Variants in MPPE1 observed in about 807,000 individuals in gnomAD.
MPPE1 encodes the protein metallophosphoesterase 1.
A neutral mutation model predicts 43.8 loss-of-function variants in MPPE1; 28 were observed. The observed-to-expected ratio is 0.64, with a 90% CI of 0.47 to 0.88. The LOEUF is 0.88. MPPE1 is among the 40% of genes least tolerant of loss of function. The pLI, the probability that MPPE1 is intolerant of heterozygous loss-of-function variation, is 0.00. For synonymous variants in MPPE1, 159 were observed against 188.5 expected, an observed-to-expected ratio of 0.84 and a Z score of 1.28; for missense variants, 428 against 492.2, an observed-to-expected ratio of 0.87 and a Z score of 1.23.
chr18:11,895,642 T>C (rs2038515687), intron 3 of MPPE1, among the ~76,000 whole-genome samples: 1 of 151,970 alleles, frequency 6.6e-6, no homozygotes, highest in Non-Finnish European at 1.5e-5. Flanking sequence ...GTGCTCAAAG[T>C]AGCTCAAGCG....
chr18:11,884,696 A>T, intron 10 of MPPE1, 69 bp from the exon 11 acceptor site: 1 of 1,505,640 alleles, frequency 6.6e-7, no homozygotes, highest in Non-Finnish European at 9.1e-7. Context: ...TCTTAGAAAC[A>T]GCAGAGGGAA....
At chr18:11,890,494 G>C (rs937585222) in intron 4 of MPPE1, among the ~76,000 whole-genome samples, 5 of 151,910 alleles carry the variant, frequency 3.3e-5, no homozygotes, top group Admixed American at 1.3e-4. Context: ...ATTTTTAGTA[G>C]ACACAGGGTT....
At chr18:11,907,901 G>C (rs1444271956) in intron 1 of MPPE1, 1 of 152,072 alleles carries the variant, frequency 6.6e-6, no homozygotes, top group Admixed American at 6.6e-5. Context: ...CTGACCTGTA[G>C]TTTTTCTCTA....
At chr18:11,885,080 T>C in intron 10 of MPPE1, 1 of 1,270,920 alleles carries the variant, frequency 7.9e-7, no homozygotes. Context: ...TCCATGGGCT[T>C]TTCTTTGCAG....
intron 4 of MPPE1, among the ~76,000 whole-genome samples, chr18:11,892,552 T>C (rs192683603): frequency 6.6e-6 from 1 of 150,682 alleles, no homozygotes; most frequent in Non-Finnish European, 1.5e-5. Context: ...GAAATGCCTG[T>C]AATCCTAGCA....
chr18:11,905,936 G>A (rs1156232645), intron 2 of MPPE1: 2 of 152,164 alleles, frequency 1.3e-5, no homozygotes, highest in Non-Finnish European at 2.9e-5. Flanking sequence ...ACAACCCGCA[G>A]TGTCCACCTC....
At chr18:11,900,113 A>G (rs533543908) in intron 2 of MPPE1, among the ~76,000 whole-genome samples, 1 of 152,166 alleles carries the variant, frequency 6.6e-6, no homozygotes, top group South Asian at 2.1e-4. Context: ...TTGGGAGGCC[A>G]AGGTGGGCGG....
chr18:11,900,473 T>C (rs1237539938), intron 2 of MPPE1, among the ~76,000 whole-genome samples: 2 of 151,932 alleles, frequency 1.3e-5, no homozygotes, highest in Non-Finnish European at 2.9e-5. Context: ...GCCATTGCAC[T>C]CCAGACTGGG....
At chr18:11,884,997 G>A (rs968800919) in intron 10 of MPPE1, 1 of 1,302,120 alleles carries the variant, frequency 7.7e-7, no homozygotes, top group African/African-American at 1.5e-5. Context: ...GAACAAGGAG[G>A]GAAAGGTGTC....
At chr18:11,897,420 T>A (rs1245483386) in intron 2 of MPPE1, 64 bp from the exon 3 acceptor site, 1 of 648,650 alleles carries the variant, frequency 1.5e-6, no homozygotes, top group African/African-American at 1.8e-5. Flanking sequence ...GACCTCCCTC[T>A]ATTAAGAACT....
intron 3 of MPPE1, among the ~76,000 whole-genome samples, chr18:11,894,972 C>T (rs1034568617): frequency 2.0e-5 from 3 of 152,206 alleles, no homozygotes; most frequent in Non-Finnish European, 4.4e-5. Context: ...AAGCATGGCA[C>T]AGGCACACAG....
rs1308388818 is a variant in MPPE1, at chr18:11,883,706, A to ATAT, written c.*736_*738dup. 1 of 151,238 alleles carries ATAT rather than the reference A, an allele frequency of 6.6e-6. No individual in the cohort carries two copies. Among genetic ancestry groups the ATAT allele is most frequent in the Non-Finnish European group, 1.5e-5 (1 of 67,798 alleles). 9.4% of individuals were successfully genotyped at this position (151,238 alleles called of 1,614,324 possible). On this transcript the variant is annotated 3_prime_UTR_variant, in exon 11 of 11. Transcript: ENST00000588072. ...CATCTGTACTTTTTTTTTTTTAAAT[A>ATAT]TATTTTTTGAGACGGAGTCTCACTC...
rs2039910322 is a variant in MPPE1, at chr18:11,908,272, T to C, written c.-271A>G. 1.3e-5 allele frequency: 2 copies of C among 152,348 alleles called. No individual in the cohort carries two copies. Among genetic ancestry groups the C allele is most frequent in the South Asian group, 4.1e-4 (2 of 4,832 alleles). 9.4% of individuals were successfully genotyped at this position (152,348 alleles called of 1,614,324 possible). On this transcript the variant is annotated 5_prime_UTR_variant, in exon 1 of 11. Coordinates refer to ENST00000588072, the MANE Select transcript of MPPE1 (RefSeq NM_023075.6). ...AGCACCGGGCGGTGCGGGAGCCCTT[T>C]CACCAGGGCAGGGTGGCTTCGGTGG...
In MPPE1 at chr18:11,883,309, A is replaced by AAAG; in HGVS notation, c.*1133_*1135dup. Reference sequence around the variant, plus strand: ...TATTTTCAGTTCCCCTTGCACTGTCAAAGTAAAACAAGAAAACTGAAAAGC... The same window carrying AAAG: ...TATTTTCAGTTCCCCTTGCACTGTCAAAGAAGTAAAACAAGAAAACTGAAAAGC... On this transcript the variant is annotated 3_prime_UTR_variant, in exon 11 of 11. Transcript: ENST00000588072. 1 of 152,616 alleles carries AAAG rather than the reference A, an allele frequency of 6.6e-6. No individual in the cohort carries two copies. Among genetic ancestry groups the AAAG allele is most frequent in the Admixed American group, 6.5e-5 (1 of 15,306 alleles). 9.5% of individuals were successfully genotyped at this position (152,616 alleles called of 1,614,324 possible).
intron 2 of MPPE1, among the ~76,000 whole-genome samples, chr18:11,898,629 T>C (rs1217018691): frequency 1.3e-5 from 2 of 152,144 alleles, no homozygotes; most frequent in Non-Finnish European, 2.9e-5. Context: ...TCTTTTGACA[T>C]ATTTTTCAGA....
At chr18:11,888,799 T>C (rs768717181) in intron 5 of MPPE1, 56 bp from the exon 6 acceptor site, 15 of 995,944 alleles carry the variant, frequency 1.5e-5, no homozygotes, top group Non-Finnish European at 2.2e-5. Context: ...TAGAAACTCC[T>C]AGAGTCATCA....
At chr18:11,885,199 A>G (rs2037008284) in intron 10 of MPPE1, 1 of 452,938 alleles carries the variant, frequency 2.2e-6, no homozygotes, top group South Asian at 2.6e-5. Context: ...TCGTACCAGC[A>G]TCATGAGCTG....
In MPPE1 at chr18:11,883,032, C is replaced by G. The variant is rs185428916; in HGVS notation, c.*1413G>C. 3.8e-4 allele frequency: 53 copies of G among 139,608 alleles called. No homozygotes were observed. Among genetic ancestry groups the G allele is most frequent in the African/African-American group, 1.2e-3 (48 of 39,384 alleles). The allele number at this position is 139,608 out of a possible 1,614,324, so 8.6% of individuals were successfully genotyped here. On this transcript the variant is annotated 3_prime_UTR_variant, in exon 11 of 11. Transcript: ENST00000588072. ...CAATACAAATCTAGAGAAGTGACAG[C>G]CTACATTACTTCATTATTACTCTTC... is the stretch of plus-strand genomic sequence containing the variant.
At chr18:11,888,362 T>C (rs2037573805) in intron 6 of MPPE1, among the ~76,000 whole-genome samples, 3 of 152,220 alleles carry the variant, frequency 2.0e-5, no homozygotes, top group Admixed American at 2.0e-4. Context: ...AGTGGGCTGA[T>C]GAAATTTGTG....
Sources: gnomAD v4.1 joint callset for allele counts (sites outside exome capture counted in the v4.1 genomes callset) on GRCh38, gnomAD v4.1.1 for gene constraint, MANE v1.5 for transcripts, NCBI Gene and HGNC (gene_info 2026-07-23, HGNC 2026-07-21) for gene names.